ZSCAN25: variants seen among roughly 807,000 people sequenced by gnomAD.
The protein encoded by ZSCAN25 is zinc finger and SCAN domain containing 25.
In ZSCAN25, 27 loss-of-function variants were observed where a neutral mutation model predicts 38.7. That is an observed-to-expected ratio of 0.70 (90% CI 0.51 to 0.96). The LOEUF (loss-of-function observed/expected upper bound fraction) is 0.96. ZSCAN25 is among the 40% of genes least tolerant of loss of function. The probability of loss-of-function intolerance (pLI) is 0.00; values close to 1 mark genes in which losing one functional copy is unlikely to be tolerated. For synonymous variants in ZSCAN25, 273 were observed against 277.7 expected (o/e 0.98, Z 0.17); for missense variants, 637 against 705.9 (o/e 0.90, Z 1.11).
At chr7:99,651,099 A>G in the ZSCAN25 span, among the ~76,000 whole-genome samples, 1 of 152,322 alleles carries the variant, frequency 6.6e-6, no homozygotes, top group Non-Finnish European at 1.5e-5. Flanking sequence ...AAATAACATG[A>G]TAGTCAGGAG....
At chr7:99,638,254 T>G in the ZSCAN25 span, 1 of 1,582,276 alleles carries the variant, frequency 6.3e-7, no homozygotes, top group Admixed American at 1.8e-5. Flanking sequence ...GATTTGTAGT[T>G]AGAGGTTAAC....
At chr7:99,713,784 A>G in the ZSCAN25 span, among the ~76,000 whole-genome samples, 2 of 152,194 alleles carry the variant, frequency 1.3e-5, no homozygotes, top group African/African-American at 4.8e-5. Flanking sequence ...TCCTAACTGC[A>G]TACCCATGAA....
At chr7:99,622,386 C>T (rs982199411) in intron 5 of ZSCAN25, 163 bp from the exon 6 acceptor site, 1 of 710,252 alleles carries the variant, frequency 1.4e-6, no homozygotes, top group Non-Finnish European at 2.5e-6. Flanking sequence ...ACACCCAGGC[C>T]CCTGTGCATG....
chr7:99,638,818 C>T, the ZSCAN25 span: 1 of 734,298 alleles, frequency 1.4e-6, no homozygotes, highest in Non-Finnish European at 2.4e-6. Context: ...GTCCCCTCAG[C>T]CAACAACGCC....
At chr7:99,733,759 A>C in the ZSCAN25 span, among the ~76,000 whole-genome samples, 1 of 152,204 alleles carries the variant, frequency 6.6e-6, no homozygotes, top group Non-Finnish European at 1.5e-5. Context: ...TTCTCACTTC[A>C]TCTTGATCCT....
chr7:99,642,716 A>G, the ZSCAN25 span, among the ~76,000 whole-genome samples: 4 of 152,174 alleles, frequency 2.6e-5, no homozygotes, highest in Non-Finnish European at 5.9e-5. Context: ...CCTTACCATT[A>G]TCTGACGTAT....
At chr7:99,690,867 T>C in the ZSCAN25 span, among the ~76,000 whole-genome samples, 1 of 152,196 alleles carries the variant, frequency 6.6e-6, no homozygotes, top group Admixed American at 6.5e-5. Flanking sequence ...AGTTCAACCA[T>C]TGTGGAAGTC....
Position 99,629,077 on chromosome 7 carries a change from G to A in ZSCAN25, c.806-114G>A. The A allele has an allele frequency of 1.4e-6, 2 of 1,429,672 alleles. No individual in the cohort carries two copies. The highest frequency in any genetic ancestry group is 1.9e-6 in the Non-Finnish European group (2 of 1,068,460). The allele number at this position is 1,429,672 out of a possible 1,614,324, so 88.6% of individuals were successfully genotyped here. A position where few individuals can be genotyped will look rare whatever the true frequency, so the allele number is the denominator to read the frequency against. On this transcript the variant is annotated intron_variant, in intron 7 of 7. Transcript: ENST00000394152. This position sits in a 1 kb window ranked among gnomAD's most constrained non-coding sequence, Gnocchi z 5.6. ...AGGAAAGCCTGAGTTGAGGTTGTTG[G>A]TCAAAGGAAAAAAGAGAAGGAACCA...
rs766696230 is a variant in ZSCAN25 at position 99,632,101 on chromosome 7, G to A, written c.*2081G>A. 1.0e-5 allele frequency: 10 copies of A among 985,338 alleles called. No individual in the cohort carries two copies. Among genetic ancestry groups the A allele is most frequent in the Non-Finnish European group, 1.2e-5 (10 of 829,990 alleles). 61.0% of individuals were successfully genotyped at this position (985,338 alleles called of 1,614,324 possible). ...ACAGCCAGCATTCCTCTGGGTTTCA[G>A]CAAGTTGGCATATCTTAAGCTTCAG... On this transcript the variant is annotated 3_prime_UTR_variant, in exon 8 of 8. Transcript: ENST00000394152.
Position 99,630,312 on chromosome 7 carries a change from G to T in ZSCAN25, c.*292G>T. On this transcript the variant is annotated 3_prime_UTR_variant, in exon 8 of 8. Transcript: ENST00000394152. ...AGTGGACTGTCTGTGTCCCCCTGCC[G>T]AACAAAGCTGGGAGTAAAGGCAAAA... 2 of 1,192,680 alleles carry T rather than the reference G, an allele frequency of 1.7e-6. No individual in the cohort carries two copies. The highest frequency in any genetic ancestry group is 8.2e-5 in the Admixed American group (2 of 24,516). 73.9% of individuals were successfully genotyped at this position (1,192,680 alleles called of 1,614,324 possible).
the ZSCAN25 span, among the ~76,000 whole-genome samples, chr7:99,691,877 G>A: frequency 6.6e-6 from 1 of 152,038 alleles, no homozygotes; most frequent in Non-Finnish European, 1.5e-5. Context: ...TTTAATTGGG[G>A]CATTTAGCCC....
chr7:99,702,283 G>A, the ZSCAN25 span, among the ~76,000 whole-genome samples: 1 of 151,932 alleles, frequency 6.6e-6, no homozygotes, highest in Non-Finnish European at 1.5e-5. Context: ...TAGAGATAGG[G>A]TTTCACCTTA....
the ZSCAN25 span, among the ~76,000 whole-genome samples, chr7:99,736,277 G>A: frequency 1.1e-4 from 16 of 152,234 alleles, no homozygotes; most frequent in Admixed American, 3.9e-4. Context: ...ACCTCAGCCA[G>A]CAACAATGGG....
chr7:99,666,728 C>T, the ZSCAN25 span: 3 of 1,613,528 alleles, frequency 1.9e-6, no homozygotes, highest in Non-Finnish European at 2.5e-6. Flanking sequence ...GTTAAATGTG[C>T]AGACTCAAGT....
the ZSCAN25 span, chr7:99,660,058 C>G: frequency 3.2e-6 from 1 of 312,004 alleles, no homozygotes; most frequent in Non-Finnish European, 4.7e-6. Context: ...GCTGGGTGCA[C>G]TGCACCCACT....
the ZSCAN25 span, among the ~76,000 whole-genome samples, chr7:99,657,086 G>A: frequency 3.3e-5 from 5 of 152,022 alleles, no homozygotes; most frequent in African/African-American, 4.8e-5. Flanking sequence ...GTTTCCTTCA[G>A]TTCTGCTCTG....
At chr7:99,672,453 G>T in the ZSCAN25 span, 2 of 760,040 alleles carry the variant, frequency 2.6e-6, no homozygotes, top group East Asian at 2.6e-5. Flanking sequence ...GGCGGGACAG[G>T]ATGAAGAGTA....
the ZSCAN25 span, chr7:99,658,736 G>A: frequency 6.6e-6 from 1 of 152,004 alleles, no homozygotes; most frequent in Non-Finnish European, 1.5e-5. Context: ...ACGTAGATTT[G>A]GTCTTTTCAC....
At chr7:99,719,333 T>C in the ZSCAN25 span, among the ~76,000 whole-genome samples, 1 of 152,110 alleles carries the variant, frequency 6.6e-6, no homozygotes, top group Non-Finnish European at 1.5e-5. Context: ...GAATAGCAAA[T>C]GAAAGATGCA....
Sources: gnomAD v4.1 joint callset for allele counts (sites outside exome capture counted in the v4.1 genomes callset) on GRCh38, gnomAD v4.1.1 for gene constraint, Gnocchi (gnomAD v3.1) non-coding constraint, MANE v1.5 for transcripts, NCBI Gene and HGNC (gene_info 2026-07-23, HGNC 2026-07-21) for gene names.